Variants in STK32B observed in about 807,000 individuals in gnomAD.
STK32B encodes serine/threonine kinase 32B.
Under a neutral mutation model 52.6 loss-of-function variants are expected in STK32B, and 43 were observed. That is an observed-to-expected ratio of 0.82 (90% confidence interval 0.64 to 1.05). STK32B has a LOEUF of 1.05. STK32B is among the 50% of genes least tolerant of loss of function. STK32B has a pLI of 0.00. For missense variants in STK32B, 621 were observed against 534.6 expected (o/e 1.16, Z -1.59); for synonymous variants, 238 against 204.3 (o/e 1.17, Z -1.41).
chr4:5,082,526 C>T (rs549174693), intron 1 of STK32B, among the ~76,000 whole-genome samples: 1 of 152,268 alleles, frequency 6.6e-6, no homozygotes, highest in African/African-American at 2.4e-5. Flanking sequence ...GCCCTGTTGT[C>T]ATGGGGATTT....
At chr4:5,352,249 A>C (rs1733875602) in intron 4 of STK32B, among the ~76,000 whole-genome samples, 1 of 152,160 alleles carries the variant, frequency 6.6e-6, no homozygotes, top group Non-Finnish European at 1.5e-5. Flanking sequence ...AATCCACATG[A>C]TCAAGTAGAA....
At position 5,386,737 on chromosome 4, in the gene STK32B, G is replaced by C. The variant is rs898712032; in HGVS notation, c.435-11470G>C. The stretch of plus-strand genomic sequence containing the variant: ...AAGTTACTTAACTCATCTAAACGTA[G>C]GTCCCCTCATCTGGAAAATGACCAG... On this transcript the variant is annotated intron_variant, in intron 4 of 11. Transcript: ENST00000282908. The surrounding 1 kb of genome is among the most constrained non-coding windows in gnomAD (Gnocchi z 4.5). Among the ~76,000 whole-genome samples, 1 of 152,144 alleles carries C rather than the reference G, an allele frequency of 6.6e-6. No homozygotes were observed. Among genetic ancestry groups the C allele is most frequent in the African/African-American group, 2.4e-5 (1 of 41,444 alleles).
At chr4:5,278,676 G>T (rs1727998786) in intron 3 of STK32B, among the ~76,000 whole-genome samples, 1 of 152,130 alleles carries the variant, frequency 6.6e-6, no homozygotes, top group Non-Finnish European at 1.5e-5. Flanking sequence ...TATGGTATTA[G>T]TCCCTTCTAA....
At chr4:5,489,821 C>T (rs1336453932) in intron 11 of STK32B, among the ~76,000 whole-genome samples, 1 of 151,974 alleles carries the variant, frequency 6.6e-6, no homozygotes. Context: ...TATGAGTGCT[C>T]ATTTATTGAA....
At chr4:5,483,715 G>A (rs868713686) in intron 11 of STK32B, among the ~76,000 whole-genome samples, 3 of 151,900 alleles carry the variant, frequency 2.0e-5, no homozygotes, top group African/African-American at 4.8e-5. Flanking sequence ...GCTTTCTCTT[G>A]TGGACATTTA....
At chr4:5,228,201 C>G (rs182249454) in intron 3 of STK32B, among the ~76,000 whole-genome samples, 19 of 152,264 alleles carry the variant, frequency 1.2e-4, no homozygotes, top group Admixed American at 9.8e-4. Flanking sequence ...TGATACCAGA[C>G]AAATACAAGC....
At position 5,052,052 on chromosome 4, in the gene STK32B, T is replaced by C. The variant is rs1577610684; in HGVS notation, c.52+137T>C. On this transcript the variant is annotated intron_variant, in intron 1 of 11. Transcript: ENST00000282908. Reference sequence around the variant, plus strand: ...TGGCCACTTCGCCCAGCGAATGCAGTGTGTGCCCGACCCGTGCCAGGCGCG... The same window carrying C: ...TGGCCACTTCGCCCAGCGAATGCAGCGTGTGCCCGACCCGTGCCAGGCGCG... 10 of 1,338,124 alleles carry C rather than the reference T, an allele frequency of 7.5e-6. No individual in the cohort carries two copies. In the East Asian group the frequency reaches 2.6e-4, roughly 35 times the overall value. The allele number at this position is 1,338,124 out of a possible 1,614,324, so 82.9% of individuals were successfully genotyped here.
At chr4:5,484,106 A>G (rs919298233) in intron 11 of STK32B, among the ~76,000 whole-genome samples, 41 of 152,208 alleles carry the variant, frequency 2.7e-4, no homozygotes, top group African/African-American at 9.4e-4. Context: ...TATTAGGTCC[A>G]CTTGGTGCAG....
chr4:5,192,476 C>A (rs1283201124), intron 3 of STK32B, among the ~76,000 whole-genome samples: 15 of 152,184 alleles, frequency 9.9e-5, no homozygotes, highest in Admixed American at 9.8e-4. Context: ...ACACACGCTA[C>A]AGAAAGTCAG....
upstream of STK32B, among the ~76,000 whole-genome samples, chr4:5,048,005 G>A (rs780644480): frequency 1.1e-4 from 16 of 152,188 alleles, no homozygotes; most frequent in Non-Finnish European, 1.9e-4. Context: ...AGAGACCAGA[G>A]TTCTCCAGCC....
At chr4:5,280,981 A>T (rs1728155826) in intron 3 of STK32B, among the ~76,000 whole-genome samples, 1 of 152,148 alleles carries the variant, frequency 6.6e-6, no homozygotes, top group Non-Finnish European at 1.5e-5. Flanking sequence ...AAACAGGTTT[A>T]ATTGACTCAG....
At chr4:5,134,433 C>T (rs1385971490) in intron 1 of STK32B, among the ~76,000 whole-genome samples, 1 of 152,134 alleles carries the variant, frequency 6.6e-6, no homozygotes, top group Non-Finnish European at 1.5e-5. Flanking sequence ...CCTGCCCTTC[C>T]TCTGTGGGAT....
the STK32B span, among the ~76,000 whole-genome samples, chr4:5,019,929 C>T: frequency 2.6e-5 from 4 of 152,106 alleles, no homozygotes; most frequent in East Asian, 1.9e-4. Flanking sequence ...CCAGGCAGCC[C>T]GCAGTGGAGC....
chr4:5,116,196 A>C (rs1198164982), intron 1 of STK32B, among the ~76,000 whole-genome samples: 2 of 152,170 alleles, frequency 1.3e-5, no homozygotes, highest in East Asian at 1.9e-4. Flanking sequence ...ACACACACAC[A>C]CACACGCACA....
intron 4 of STK32B, among the ~76,000 whole-genome samples, chr4:5,349,259 C>A (rs1402354819): frequency 6.6e-6 from 1 of 152,164 alleles, no homozygotes; most frequent in African/African-American, 2.4e-5. Context: ...CCATCACTGC[C>A]ACCAATGTGG....
chr4:5,445,077 A>G (rs1166221498), intron 6 of STK32B, among the ~76,000 whole-genome samples: 1 of 152,000 alleles, frequency 6.6e-6, no homozygotes, highest in Non-Finnish European at 1.5e-5. Context: ...TGGCTGTGTG[A>G]CCTCTTCATA....
intron 6 of STK32B, among the ~76,000 whole-genome samples, chr4:5,423,365 G>A (rs1338908970): frequency 6.6e-6 from 1 of 152,138 alleles, no homozygotes; most frequent in Non-Finnish European, 1.5e-5. Flanking sequence ...TGGCCACTGA[G>A]CCACAGGACC....
chr4:5,285,765 C>G (rs16836956), intron 3 of STK32B, among the ~76,000 whole-genome samples: 22,943 of 152,064 alleles, frequency 0.15, 5,071 homozygotes, highest in African/African-American at 0.49. Flanking sequence ...GAAATTCAAG[C>G]TAATGGAGAG....
At chr4:5,441,410 T>A (rs1436491987) in intron 6 of STK32B, among the ~76,000 whole-genome samples, 2 of 151,050 alleles carry the variant, frequency 1.3e-5, no homozygotes, top group African/African-American at 4.8e-5. Flanking sequence ...TTTGTAGTAT[T>A]CTCTGATGGT....
Sources: allele counts gnomAD v4.1 joint callset (sites outside exome capture counted in the v4.1 genomes callset), GRCh38; gene constraint gnomAD v4.1.1; non-coding constraint Gnocchi (gnomAD v3.1); transcripts MANE v1.5; gene names NCBI Gene and HGNC (gene_info 2026-07-23, HGNC 2026-07-21).